DNAAF11: variants seen among roughly 807,000 people sequenced by gnomAD.
The protein encoded by DNAAF11 is leucine rich repeat containing 6.
In DNAAF11, 45 loss-of-function variants were observed where a neutral mutation model predicts 60.8. The observed-to-expected ratio is 0.74, with a 90% confidence interval of 0.58 to 0.95. DNAAF11 has a LOEUF of 0.95. DNAAF11 is among the 40% of genes least tolerant of loss of function. DNAAF11 has a pLI of 0.00. For synonymous variants in DNAAF11, 191 were observed against 183.5 expected, an observed-to-expected ratio of 1.04 and a Z score of -0.33; for missense variants, 546 against 546.2, an observed-to-expected ratio of 1.00 and a Z score of 0.00.
the DNAAF11 span, among the ~76,000 whole-genome samples, chr8:132,689,613 A>C: frequency 7.2e-5 from 11 of 152,276 alleles, no homozygotes; most frequent in East Asian, 1.9e-3. Flanking sequence ...TTGCTTCTTT[A>C]AAAAATTAAA....
intron 3 of DNAAF11, among the ~76,000 whole-genome samples, chr8:132,651,962 G>A (rs374453537): frequency 1.3e-5 from 2 of 152,094 alleles, no homozygotes; most frequent in South Asian, 4.1e-4. Context: ...CTTTGGTAAT[G>A]GTAATTTTTG....
rs1815573544 is a variant in DNAAF11, at chr8:132,583,699, ATTTG to A, written c.1217_1220del (p.Thr406IlefsTer10). On this transcript the variant is annotated frameshift_variant, in exon 11 of 12. Coordinates refer to ENST00000620350, the MANE Select transcript of DNAAF11 (RefSeq NM_012472.6). LOFTEE classifies it high-confidence loss of function. The stretch of plus-strand genomic sequence containing the variant: ...ACAGTCTGGGAGGGTGGTACCTTGT[ATTTG>A]TTTGTTCTCTGCTCCTGTCCGAGGT... 1.2e-6 allele frequency: 2 copies of A among 1,613,034 alleles called. No individual in the cohort carries two copies. Among genetic ancestry groups the A allele is most frequent in the Non-Finnish European group, 1.7e-6 (2 of 1,179,156 alleles).
chr8:132,635,066 G>T (rs542143651), intron 4 of DNAAF11, among the ~76,000 whole-genome samples: 2 of 152,242 alleles, frequency 1.3e-5, no homozygotes, highest in Admixed American at 1.3e-4. Flanking sequence ...GGAGGCAAAA[G>T]ACCTCATATT....
chr8:132,593,762 C>T (rs956894721), intron 10 of DNAAF11, among the ~76,000 whole-genome samples: 2 of 151,920 alleles, frequency 1.3e-5, no homozygotes, highest in Admixed American at 6.6e-5. Context: ...CTTTATGAGG[C>T]CATTGATTTT....
chr8:132,580,679 A>G (rs1157271406), intron 11 of DNAAF11, among the ~76,000 whole-genome samples: 1 of 152,252 alleles, frequency 6.6e-6, no homozygotes, highest in East Asian at 1.9e-4. Flanking sequence ...ATGCTTATGG[A>G]AAAGTTACAA....
At chr8:132,685,420 T>C in the DNAAF11 span, among the ~76,000 whole-genome samples, 5 of 152,240 alleles carry the variant, frequency 3.3e-5, no homozygotes, top group Admixed American at 1.3e-4. Flanking sequence ...CCAATTTTGC[T>C]AATGATAATG....
chr8:132,635,087 G>A (rs1039339054), intron 4 of DNAAF11, among the ~76,000 whole-genome samples: 2 of 152,140 alleles, frequency 1.3e-5, no homozygotes, highest in African/African-American at 2.4e-5. Flanking sequence ...AATAACTGAT[G>A]ACAAATTTGG....
At chr8:132,644,918 T>C (rs1317966202) in intron 3 of DNAAF11, among the ~76,000 whole-genome samples, 1 of 152,174 alleles carries the variant, frequency 6.6e-6, no homozygotes, top group Non-Finnish European at 1.5e-5. Flanking sequence ...AGGGCATAGT[T>C]GAACAAAAGA....
At chr8:132,620,229 G>A (rs755571011) in intron 7 of DNAAF11, among the ~76,000 whole-genome samples, 3 of 152,118 alleles carry the variant, frequency 2.0e-5, no homozygotes, top group Non-Finnish European at 4.4e-5. Context: ...CCCAAGAGTG[G>A]GTAGTGTGCT....
intron 3 of DNAAF11, among the ~76,000 whole-genome samples, chr8:132,644,194 A>T (rs892214494): frequency 6.6e-6 from 1 of 152,196 alleles, no homozygotes; most frequent in African/African-American, 2.4e-5. Context: ...TCTTTCCTCC[A>T]TTGCTAGAAT....
chr8:132,621,934 C>G (rs1233081959), intron 7 of DNAAF11, among the ~76,000 whole-genome samples: 14 of 152,156 alleles, frequency 9.2e-5, no homozygotes, highest in Admixed American at 8.5e-4. Context: ...TGTACCTTCA[C>G]CATGGTCATG....
intron 10 of DNAAF11, among the ~76,000 whole-genome samples, chr8:132,600,633 A>G (rs1316753594): frequency 1.3e-5 from 2 of 152,156 alleles, no homozygotes; most frequent in African/African-American, 2.4e-5. Context: ...ATCTACAACC[A>G]TCTGATCTTT....
chr8:132,675,580 C>A, upstream of DNAAF11: 1 of 1,375,364 alleles, frequency 7.3e-7, no homozygotes, highest in Non-Finnish European at 9.8e-7. Context: ...CTCAGCGCGT[C>A]CCCGTCGGAA....
At chr8:132,671,430 C>A (rs1446446069) in intron 1 of DNAAF11, among the ~76,000 whole-genome samples, 1 of 152,036 alleles carries the variant, frequency 6.6e-6, no homozygotes, top group Non-Finnish European at 1.5e-5. Flanking sequence ...TCAGAAGATT[C>A]AATATTGTTA....
intron 10 of DNAAF11, among the ~76,000 whole-genome samples, chr8:132,600,028 C>T (rs1160058178): frequency 1.1e-4 from 17 of 152,142 alleles, no homozygotes; most frequent in Admixed American, 6.5e-5. Context: ...AAAACCCCAT[C>T]ATCTCAGCCC....
At chr8:132,633,105 C>T (rs980345551) in intron 4 of DNAAF11, 142 bp from the exon 5 acceptor site, 1 of 588,154 alleles carries the variant, frequency 1.7e-6, no homozygotes, top group African/African-American at 1.9e-5. Context: ...AATATCAGAA[C>T]ATTGTTCTAA....
chr8:132,645,235 C>T (rs1255462959), intron 3 of DNAAF11, among the ~76,000 whole-genome samples: 4 of 152,174 alleles, frequency 2.6e-5, no homozygotes, highest in Non-Finnish European at 4.4e-5. Context: ...CTGGAGTGGA[C>T]CTCCAGCAAA....
At chr8:132,584,953 C>T (rs183272154) in intron 10 of DNAAF11, among the ~76,000 whole-genome samples, 4 of 152,294 alleles carry the variant, frequency 2.6e-5, no homozygotes, top group Admixed American at 6.5e-5. Flanking sequence ...AGCCTTAACA[C>T]TAAGCCACAT....
At chr8:132,605,919 T>C (rs535354083) in intron 10 of DNAAF11, among the ~76,000 whole-genome samples, 2 of 150,096 alleles carry the variant, frequency 1.3e-5, no homozygotes, top group East Asian at 3.9e-4. Flanking sequence ...AAGGAAGTGG[T>C]AGAAGATGAT....
Sources: allele counts gnomAD v4.1 joint callset (sites outside exome capture counted in the v4.1 genomes callset), GRCh38; gene constraint gnomAD v4.1.1; transcripts MANE v1.5; gene names NCBI Gene and HGNC (gene_info 2026-07-23, HGNC 2026-07-21).